The following GSN variants were observed in gnomAD, a reference collection of about 807,000 sequenced individuals.
GSN encodes the protein actin-depolymerizing factor.
GSN carries 56 observed loss-of-function variants against 85.7 expected under a neutral mutation model. The observed-to-expected ratio is 0.65, with a 90% CI of 0.53 to 0.82. The LOEUF (loss-of-function observed/expected upper bound fraction) is 0.82. Among genes scored for constraint, GSN ranks in the 40% least tolerant of loss-of-function variants. The pLI, the probability that GSN is intolerant of heterozygous loss-of-function variation, is 0.00. For missense variants in GSN, 857 were observed against 979.8 expected, an observed-to-expected ratio of 0.87 and a Z score of 1.67; for synonymous variants, 373 against 399.1, an observed-to-expected ratio of 0.93 and a Z score of 0.78.
intron 6 of GSN, among the ~76,000 whole-genome samples, chr9:121,257,616 A>G (rs922396706): frequency 6.6e-6 from 1 of 152,198 alleles, no homozygotes; most frequent in Non-Finnish European, 1.5e-5. Context: ...CCCGTCTGTA[A>G]TCCCAGCACT....
At chr9:121,265,322 T>A (rs914422926), upstream of GSN, 3 of 152,234 alleles carry the variant, frequency 2.0e-5, no homozygotes, top group African/African-American at 7.2e-5. Context: ...ACCCTTCTAG[T>A]CATTTAACGA....
chr9:121,272,080 T>G (rs896677215), intron 1 of GSN, among the ~76,000 whole-genome samples: 2 of 152,182 alleles, frequency 1.3e-5, no homozygotes, highest in African/African-American at 4.8e-5. Flanking sequence ...CGGGGGATGT[T>G]AAGTAAAAAT....
At chr9:121,229,051 C>A (rs2054334677) in intron 4 of GSN, among the ~76,000 whole-genome samples, 1 of 152,104 alleles carries the variant, frequency 6.6e-6, no homozygotes, top group African/African-American at 2.4e-5. Context: ...TGTCTAAGAG[C>A]AGACCATGTT....
chr9:121,305,439 T>G (rs1268144725), intron 4 of GSN, among the ~76,000 whole-genome samples: 5 of 152,216 alleles, frequency 3.3e-5, no homozygotes, highest in Non-Finnish European at 4.4e-5. Flanking sequence ...AGGGTATCTG[T>G]TAGCACCATT....
rs1589047561 is a variant in GSN at position 121,310,710 on chromosome 9, G to A, written c.378G>A (p.Lys126=). Reference sequence around the variant, plus strand: ...AAGGAGGTGTGGCATCAGGATTCAAGCACGTGGTACCCAACGAGGTGGTGG... The same window carrying A: ...AAGGAGGTGTGGCATCAGGATTCAAACACGTGGTACCCAACGAGGTGGTGG... The part of the protein sequence containing the change: ...YKKGGVASGF[K]HVVPNEVVVQ... Residue 126 remains lysine, a synonymous_variant, in exon 5 of 18, where the codon AAG becomes AAA. Coordinates refer to ENST00000432226, the MANE Select transcript of GSN (RefSeq NM_198252.3). 2 of 1,614,192 alleles carry A rather than the reference G, an allele frequency of 1.2e-6. No homozygotes were observed. Among genetic ancestry groups the A allele is most frequent in the Non-Finnish European group, 1.7e-6 (2 of 1,180,034 alleles).
intron 5 of GSN, among the ~76,000 whole-genome samples, chr9:121,242,980 T>TATGGAGGGTACATTAGTTTCCTATC (rs992546397): frequency 6.6e-6 from 1 of 152,194 alleles, no homozygotes; most frequent in African/African-American, 2.4e-5. Context: ...GCACAACCCC[T>TATGGAGGGTACATTAGTTTCCTATC]ATGGAGGGTA....
At position 121,302,819 on chromosome 9, in the gene GSN, G is replaced by C. The variant is rs1035149170; in HGVS notation, c.197-92G>C. ...TTCTCAGCTTCTACAGCTAGGTCAG[G>C]GCAGTGCTGGGGTTCCTCCTCCACC... On this transcript the variant is annotated intron_variant, in intron 3 of 17. Transcript: ENST00000432226. 10 of 1,245,738 alleles carry C rather than the reference G, an allele frequency of 8.0e-6. No individual in the cohort carries two copies. The South Asian group carries it at 1.1e-4, about 13-fold the overall frequency. 77.2% of individuals were successfully genotyped at this position (1,245,738 alleles called of 1,614,324 possible). A position where few individuals can be genotyped will look rare whatever the true frequency, so the allele number is the denominator to read the frequency against.
chr9:121,278,136 C>T (rs762735927), intron 1 of GSN, among the ~76,000 whole-genome samples: 3 of 151,520 alleles, frequency 2.0e-5, no homozygotes, highest in Non-Finnish European at 4.4e-5. Context: ...AGGCAGCCTG[C>T]GTTGGTGGGA....
intron 17 of GSN, chr9:121,331,780 A>C (rs923047244): frequency 4.0e-6 from 1 of 248,896 alleles, no homozygotes; most frequent in African/African-American, 2.2e-5. Context: ...CAGGCCAGGC[A>C]TGGTGACTCA....
chr9:121,234,906 T>A (rs1254610675), intron 5 of GSN, among the ~76,000 whole-genome samples: 1 of 152,054 alleles, frequency 6.6e-6, no homozygotes, highest in African/African-American at 2.4e-5. Flanking sequence ...ATGAGAACAA[T>A]TTGGCTGTTC....
In GSN at chr9:121,332,841, T is replaced by C; in HGVS notation, c.*238T>C. ...AATCCAATAAAAACATTTTGAAGTG[T>C]GTACTCTAGTGTGGCTCGTTTCCTT... On this transcript the variant is annotated 3_prime_UTR_variant, in exon 18 of 18. Coordinates refer to ENST00000432226, the MANE Select transcript of GSN (RefSeq NM_198252.3). The surrounding 1 kb of genome is among the most constrained non-coding windows in gnomAD (Gnocchi z 4.8). The C allele has an allele frequency of 3.8e-6, 2 of 525,180 alleles. No individual in the cohort carries two copies. The highest frequency in any genetic ancestry group is 1.9e-5 in the African/African-American group (1 of 52,324). 32.5% of individuals were successfully genotyped at this position (525,180 alleles called of 1,614,324 possible). A position where few individuals can be genotyped will look rare whatever the true frequency, so the allele number is the denominator to read the frequency against.
At chr9:121,316,476 C>T (rs1178232421) in intron 7 of GSN, among the ~76,000 whole-genome samples, 2 of 151,854 alleles carry the variant, frequency 1.3e-5, no homozygotes, top group African/African-American at 2.4e-5. Flanking sequence ...CTTTTATTTA[C>T]TTATTTATTT....
At chr9:121,279,041 G>A (rs552265925) in intron 1 of GSN, among the ~76,000 whole-genome samples, 64 of 152,294 alleles carry the variant, frequency 4.2e-4, no homozygotes, top group Non-Finnish European at 8.1e-4. Flanking sequence ...CCCTAGGCCA[G>A]GCTCTGGGAT....
intron 2 of GSN, chr9:121,282,346 A>T (rs893164489): frequency 3.3e-6 from 2 of 607,860 alleles, no homozygotes; most frequent in African/African-American, 3.7e-5. Flanking sequence ...CCCAGCTTCC[A>T]ACACCCAAAC....
chr9:121,264,118 GGCTGT>G (rs2055147561), upstream of GSN, among the ~76,000 whole-genome samples: 1 of 152,012 alleles, frequency 6.6e-6, no homozygotes, highest in Admixed American at 6.6e-5. Context: ...TGTTATTGAA[GGCTGT>G]GCTTAATACA....
chr9:121,267,524 A>G (rs954877833), upstream of GSN, among the ~76,000 whole-genome samples: 1 of 152,186 alleles, frequency 6.6e-6, no homozygotes, highest in Non-Finnish European at 1.5e-5. Flanking sequence ...AGACTTAGAC[A>G]TGTGAGCTCG....
At chr9:121,289,484 A>T (rs1021239896) in intron 2 of GSN, among the ~76,000 whole-genome samples, 7 of 152,150 alleles carry the variant, frequency 4.6e-5, no homozygotes, top group Non-Finnish European at 8.8e-5. Context: ...AGAGCTTAGG[A>T]GAGAGAGAAC....
At chr9:121,234,702 G>T (rs1187667332) in intron 5 of GSN, among the ~76,000 whole-genome samples, 1 of 152,120 alleles carries the variant, frequency 6.6e-6, no homozygotes, top group Non-Finnish European at 1.5e-5. Context: ...ATAAATGTAG[G>T]GTTGGGCATG....
At chr9:121,245,190 G>A (rs542600379) in intron 5 of GSN, among the ~76,000 whole-genome samples, 3 of 152,262 alleles carry the variant, frequency 2.0e-5, no homozygotes, top group Admixed American at 1.3e-4. Flanking sequence ...AAAAAGAGCT[G>A]TGTATTACAG....
Sources: gnomAD v4.1 joint callset for allele counts (sites outside exome capture counted in the v4.1 genomes callset) on GRCh38, gnomAD v4.1.1 for gene constraint, Gnocchi (gnomAD v3.1) non-coding constraint, MANE v1.5 for transcripts, NCBI Gene and HGNC (gene_info 2026-07-23, HGNC 2026-07-21) for gene names.